Variants in MAGI2 observed in about 807,000 individuals in gnomAD.
MAGI2 encodes membrane-associated guanylate kinase, WW and PDZ domain-containing protein 2.
Under a neutral mutation model 133.3 loss-of-function variants are expected in MAGI2, and 35 were observed. That is an observed-to-expected ratio of 0.26 (90% confidence interval 0.20 to 0.35). MAGI2 has a LOEUF of 0.35. Among genes scored for constraint, MAGI2 ranks in the 10% least tolerant of loss-of-function variants. The pLI is 1.00. For missense variants in MAGI2, 1,636 were observed against 1,863.4 expected (o/e 0.88, Z 2.25); for synonymous variants, 729 against 710.6 (o/e 1.03, Z -0.41).
At chr7:79,421,433 A>G (rs1000311182) in intron 1 of MAGI2, among the ~76,000 whole-genome samples, 1 of 151,944 alleles carries the variant, frequency 6.6e-6, no homozygotes, top group Non-Finnish European at 1.5e-5. Flanking sequence ...AGAATGCCCA[A>G]ACTCTTGCTT....
intron 6 of MAGI2, among the ~76,000 whole-genome samples, chr7:78,401,222 G>A (rs1416466362): frequency 1.3e-5 from 2 of 152,004 alleles, no homozygotes; most frequent in African/African-American, 4.8e-5. Context: ...GGATGGATCT[G>A]TAGCATGAGG....
intron 20 of MAGI2, among the ~76,000 whole-genome samples, chr7:78,113,160 G>T (rs921351377): frequency 5.1e-5 from 6 of 116,584 alleles, no homozygotes; most frequent in Admixed American, 5.0e-4. Flanking sequence ...CACGCAGGGA[G>T]GGGGACTGGG....
At chr7:78,034,712 G>C (rs544459047) in intron 21 of MAGI2, among the ~76,000 whole-genome samples, 2 of 152,160 alleles carry the variant, frequency 1.3e-5, no homozygotes, top group South Asian at 2.1e-4. Context: ...ATTTTTAGTA[G>C]AGACAGGGTT....
chr7:79,361,661 A>C (rs765561326), intron 1 of MAGI2, among the ~76,000 whole-genome samples: 7 of 152,108 alleles, frequency 4.6e-5, no homozygotes, highest in Non-Finnish European at 1.0e-4. Context: ...CCCATAACAC[A>C]CTCACAAGAG....
chr7:78,143,927 T>TG (rs1823022365), intron 16 of MAGI2, among the ~76,000 whole-genome samples: 1 of 151,388 alleles, frequency 6.6e-6, no homozygotes, highest in Non-Finnish European at 1.5e-5. Flanking sequence ...CCTATAAGTT[T>TG]TTTTTTTTTT....
chr7:79,185,002 G>A (rs1826955081), intron 1 of MAGI2, among the ~76,000 whole-genome samples: 1 of 151,736 alleles, frequency 6.6e-6, no homozygotes, highest in Non-Finnish European at 1.5e-5. Flanking sequence ...TAATAGCCTG[G>A]GGGATAAGGA....
At chr7:78,665,296 A>C (rs1022703141) in intron 2 of MAGI2, among the ~76,000 whole-genome samples, 4 of 152,198 alleles carry the variant, frequency 2.6e-5, no homozygotes, top group African/African-American at 9.6e-5. Flanking sequence ...TAAAATCATT[A>C]TATGGAATGT....
At chr7:78,938,449 G>GAT (rs1353331685) in intron 2 of MAGI2, among the ~76,000 whole-genome samples, 1 of 151,932 alleles carries the variant, frequency 6.6e-6, no homozygotes, top group Non-Finnish European at 1.5e-5. Flanking sequence ...ATATAGAGAT[G>GAT]ATATATATAT....
intron 2 of MAGI2, among the ~76,000 whole-genome samples, chr7:78,763,495 G>A (rs1425604007): frequency 2.6e-5 from 4 of 152,158 alleles, no homozygotes; most frequent in African/African-American, 9.7e-5. Context: ...TCACACAGGT[G>A]TGTGGAAGGG....
intron 15 of MAGI2, among the ~76,000 whole-genome samples, chr7:78,165,595 A>G (rs1157932184): frequency 6.6e-6 from 1 of 152,100 alleles, no homozygotes; most frequent in Admixed American, 6.6e-5. Context: ...CTTTTCCCAC[A>G]CACAGCACTG....
At chr7:79,341,393 G>A (rs1471837349) in intron 1 of MAGI2, among the ~76,000 whole-genome samples, 2 of 149,844 alleles carry the variant, frequency 1.3e-5, no homozygotes, top group African/African-American at 2.5e-5. Context: ...AACGAGTTGT[G>A]TTTATTTAAA....
At position 78,869,855 on chromosome 7, in the gene MAGI2, T is replaced by C. The variant is rs1238535598; in HGVS notation, c.418+137235A>G. 2.6e-5 allele frequency among the ~76,000 whole-genome samples: 4 copies of C among 152,184 alleles called. No homozygotes were observed. In the East Asian group the frequency reaches 7.7e-4, roughly 29 times the overall value. ...ACAAAGGCTAACCATCAGTGTCCTT[T>C]CCCAACTTTATGTTTTTATTTGCTT... is the stretch of plus-strand genomic sequence containing the variant. On this transcript the variant is annotated intron_variant, in intron 2 of 21. Transcript: ENST00000354212.
chr7:78,454,565 G>A (rs1377154347), intron 6 of MAGI2, among the ~76,000 whole-genome samples: 3 of 152,118 alleles, frequency 2.0e-5, no homozygotes, highest in Non-Finnish European at 2.9e-5. Flanking sequence ...TCGCATTCCT[G>A]GTTATTTATC....
At chr7:78,517,750 A>G (rs893940614) in intron 4 of MAGI2, among the ~76,000 whole-genome samples, 1 of 152,166 alleles carries the variant, frequency 6.6e-6, no homozygotes, top group Non-Finnish European at 1.5e-5. Context: ...CTGACACTGA[A>G]AAATCATTAT....
At chr7:78,876,823 G>C (rs1563612417) in intron 2 of MAGI2, among the ~76,000 whole-genome samples, 1 of 152,136 alleles carries the variant, frequency 6.6e-6, no homozygotes, top group African/African-American at 2.4e-5. Flanking sequence ...CCCCATCATT[G>C]AAGATGAAAT....
intron 2 of MAGI2, among the ~76,000 whole-genome samples, chr7:78,785,128 C>T (rs933700229): frequency 2.0e-5 from 3 of 152,062 alleles, no homozygotes; most frequent in Admixed American, 2.0e-4. Context: ...AAGTTATCAC[C>T]CTAGAGCTTT....
chr7:79,180,744 C>A (rs1314430613), intron 1 of MAGI2, among the ~76,000 whole-genome samples: 1 of 151,964 alleles, frequency 6.6e-6, no homozygotes, highest in Non-Finnish European at 1.5e-5. Context: ...AGTCCAAAGT[C>A]TTATCTGAGA....
At chr7:79,449,877 C>CATATAT (rs59881896) in intron 1 of MAGI2, among the ~76,000 whole-genome samples, 3,637 of 120,584 alleles carry the variant, frequency 0.03, 221 homozygotes, top group African/African-American at 0.1. Flanking sequence ...GAGATATATA[C>CATATAT]ATATATATAT....
intron 2 of MAGI2, among the ~76,000 whole-genome samples, chr7:78,993,659 G>T (rs538288224): frequency 5.0e-4 from 76 of 151,854 alleles, no homozygotes; most frequent in Non-Finnish European, 9.9e-4. Flanking sequence ...ATTATTCCTG[G>T]GGATCTAGTC....
Sources: allele counts gnomAD v4.1 joint callset (sites outside exome capture counted in the v4.1 genomes callset), GRCh38; gene constraint gnomAD v4.1.1; transcripts MANE v1.5; gene names NCBI Gene and HGNC (gene_info 2026-07-23, HGNC 2026-07-21).